The following SCAPER variants were observed in gnomAD, a reference collection of about 807,000 sequenced individuals.
The protein encoded by SCAPER is S-phase cyclin A associated protein in the ER.
SCAPER carries 98 observed loss-of-function variants against 182.2 expected under a neutral mutation model. The ratio of observed to expected loss-of-function variants is 0.54; its 90% confidence interval spans 0.46 to 0.64. The LOEUF (loss-of-function observed/expected upper bound fraction) is 0.64, where lower values mean the gene tolerates loss of function less well. Among genes scored for constraint, SCAPER ranks in the 30% least tolerant of loss-of-function variants. SCAPER has a pLI of 0.00. For synonymous variants in SCAPER, 605 were observed against 564.6 expected, an observed-to-expected ratio of 1.07 and a Z score of -1.01; for missense variants, 1,432 against 1,690.0, an observed-to-expected ratio of 0.85 and a Z score of 2.68.
chr15:76,348,366 C>A lies in SCAPER; in HGVS notation c.*267G>T. ...TTTATGTCTCCTTTCACCCATATCA[C>A]AAATGCAAAGTATATATTATCATAA... On this transcript the variant is annotated 3_prime_UTR_variant, in exon 32 of 32. Coordinates refer to ENST00000563290, the MANE Select transcript of SCAPER (RefSeq NM_020843.4). 4.3e-6 allele frequency: 1 copy of A among 232,314 alleles called. No homozygotes were observed. The highest frequency in any genetic ancestry group is 8.3e-6 in the Non-Finnish European group (1 of 120,538). The allele number at this position is 232,314 out of a possible 1,614,324, so 14.4% of individuals were successfully genotyped here. A position where few individuals can be genotyped will look rare whatever the true frequency, so the allele number is the denominator to read the frequency against.
At chr15:76,480,243 T>C (rs1420177320) in intron 24 of SCAPER, among the ~76,000 whole-genome samples, 1 of 152,244 alleles carries the variant, frequency 6.6e-6, no homozygotes, top group African/African-American at 2.4e-5. Flanking sequence ...ACTAAGGATT[T>C]AATAAATAGC....
intron 22 of SCAPER, among the ~76,000 whole-genome samples, chr15:76,585,331 T>TA (rs549486282): frequency 2.7e-4 from 40 of 148,660 alleles, no homozygotes; most frequent in East Asian, 3.9e-4. Context: ...ATATTAAAAA[T>TA]AAAAAAAAAA....
At chr15:76,395,570 A>G (rs765702410) in intron 27 of SCAPER, among the ~76,000 whole-genome samples, 24 of 152,060 alleles carry the variant, frequency 1.6e-4, no homozygotes, top group Non-Finnish European at 3.2e-4. Flanking sequence ...ATCTCTTTGT[A>G]GTTTTGATTT....
In SCAPER at chr15:76,728,489, C is replaced by A. The variant is rs2060721446; in HGVS notation, c.2165+106G>T. On this transcript the variant is annotated intron_variant, in intron 17 of 31. Coordinates refer to ENST00000563290, the MANE Select transcript of SCAPER (RefSeq NM_020843.4). ...TTCAAGATCAACCTGGGGAACATCG[C>A]AAAACCTCATCTCAAAAAAACTCTA... 3 of 1,470,368 alleles carry A rather than the reference C, an allele frequency of 2.0e-6. No individual in the cohort carries two copies. In the East Asian group the frequency reaches 6.8e-5, roughly 33 times the overall value. The allele number at this position is 1,470,368 out of a possible 1,614,324, so 91.1% of individuals were successfully genotyped here. A position where few individuals can be genotyped will look rare whatever the true frequency, so the allele number is the denominator to read the frequency against.
chr15:76,520,084 C>T (rs573268562), intron 23 of SCAPER, among the ~76,000 whole-genome samples: 15 of 152,170 alleles, frequency 9.9e-5, no homozygotes, highest in Non-Finnish European at 2.2e-4. Flanking sequence ...CCTTCTCTAA[C>T]CTCTAGATTG....
chr15:76,830,775 C>T (rs1050764235), intron 5 of SCAPER, among the ~76,000 whole-genome samples: 1 of 151,866 alleles, frequency 6.6e-6, no homozygotes, highest in Non-Finnish European at 1.5e-5. Flanking sequence ...GGAAGAAGAG[C>T]TTCACCCACC....
chr15:76,771,668 A>G (rs1387926795), intron 10 of SCAPER, 74 bp downstream of exon 10: 2 of 1,004,054 alleles, frequency 2.0e-6, no homozygotes, highest in African/African-American at 3.2e-5. Context: ...ACAAGTTATT[A>G]TTATTGGGGT....
At chr15:76,788,712 A>G (rs1321873234) in intron 8 of SCAPER, among the ~76,000 whole-genome samples, 1 of 152,254 alleles carries the variant, frequency 6.6e-6, no homozygotes, top group Non-Finnish European at 1.5e-5. Context: ...GTATGTTTAC[A>G]TCTGTTTTGT....
chr15:76,723,552 T>C (rs934357040), intron 17 of SCAPER, among the ~76,000 whole-genome samples: 1 of 152,158 alleles, frequency 6.6e-6, no homozygotes, highest in Admixed American at 6.5e-5. Context: ...CCCATTATTA[T>C]TGTGTGGAAG....
At chr15:76,790,074 A>T (rs914115708) in intron 8 of SCAPER, among the ~76,000 whole-genome samples, 105 of 152,032 alleles carry the variant, frequency 6.9e-4, no homozygotes, top group African/African-American at 1.9e-3. Context: ...TAAAAAATAT[A>T]AAAAAAATTA....
At chr15:76,658,198 T>TA (rs1002449068) in intron 21 of SCAPER, among the ~76,000 whole-genome samples, 5 of 152,188 alleles carry the variant, frequency 3.3e-5, no homozygotes, top group South Asian at 2.1e-4. Context: ...CTAGATCTGA[T>TA]AAAAAACTTC....
chr15:76,407,243 A>G (rs532240504), intron 26 of SCAPER, among the ~76,000 whole-genome samples: 6 of 152,342 alleles, frequency 3.9e-5, no homozygotes, highest in Admixed American at 1.3e-4. Flanking sequence ...CAGGCTACAA[A>G]CATATACAGT....
chr15:76,576,232 C>T (rs867817025), intron 22 of SCAPER, among the ~76,000 whole-genome samples: 3 of 152,122 alleles, frequency 2.0e-5, no homozygotes, highest in South Asian at 2.1e-4. Context: ...GCAATGGTGG[C>T]GTGCACCTGT....
chr15:76,539,474 C>G (rs1304770829), intron 23 of SCAPER, among the ~76,000 whole-genome samples: 2 of 151,964 alleles, frequency 1.3e-5, no homozygotes, highest in Non-Finnish European at 1.5e-5. Context: ...TTGGGCTTAA[C>G]CAACCAACTC....
intron 20 of SCAPER, among the ~76,000 whole-genome samples, chr15:76,688,054 C>T (rs1447152253): frequency 2.0e-5 from 3 of 152,216 alleles, no homozygotes; most frequent in Non-Finnish European, 2.9e-5. Context: ...TACACTCCCA[C>T]CAACAGCGTA....
In SCAPER at chr15:76,475,683, A is replaced by C. The variant is rs866018619; in HGVS notation, c.2955-4348T>G. ...AAATCTTACTCAGAAGCTTGAACCAAAGAACAGATAAAATCAGAGTTGCTC... is the reference window on the plus strand; with the variant it reads ...AAATCTTACTCAGAAGCTTGAACCACAGAACAGATAAAATCAGAGTTGCTC... On this transcript the variant is annotated intron_variant, in intron 24 of 31. Transcript: ENST00000563290. Among the ~76,000 whole-genome samples, 8 of 152,176 alleles carry C rather than the reference A, an allele frequency of 5.3e-5. 1 individual carries two copies.
intron 21 of SCAPER, among the ~76,000 whole-genome samples, chr15:76,626,597 A>G (rs573339916): frequency 5.3e-5 from 8 of 152,278 alleles, no homozygotes; most frequent in Non-Finnish European, 1.0e-4. Flanking sequence ...CACGCCTGTA[A>G]TCCCAGCTAA....
chr15:76,464,483 T>C (rs1034583171), intron 25 of SCAPER, among the ~76,000 whole-genome samples: 9 of 152,082 alleles, frequency 5.9e-5, no homozygotes, highest in Non-Finnish European at 1.5e-5. Flanking sequence ...GCTGCATATA[T>C]GAAAAGTCAG....
intron 15 of SCAPER, among the ~76,000 whole-genome samples, chr15:76,734,462 A>T (rs2061121824): frequency 6.6e-6 from 1 of 152,204 alleles, no homozygotes; most frequent in African/African-American, 2.4e-5. Context: ...TAAATCTCAG[A>T]AAAGTTTGAA....
Sources: gnomAD v4.1 joint callset for allele counts (sites outside exome capture counted in the v4.1 genomes callset) on GRCh38, gnomAD v4.1.1 for gene constraint, MANE v1.5 for transcripts, NCBI Gene and HGNC (gene_info 2026-07-23, HGNC 2026-07-21) for gene names.